Variants in KCNJ6 observed in about 807,000 individuals in gnomAD.
KCNJ6 encodes the protein G protein-activated inward rectifier potassium channel 2.
In KCNJ6, 9 loss-of-function variants were observed where a neutral mutation model predicts 34.2. The ratio of observed to expected loss-of-function variants is 0.26; its 90% CI spans 0.16 to 0.46. The LOEUF (loss-of-function observed/expected upper bound fraction) is 0.46, where lower values mean the gene tolerates loss of function less well. Among genes scored for constraint, KCNJ6 ranks in the 20% least tolerant of loss-of-function variants. KCNJ6 has a pLI of 1.00. For synonymous variants in KCNJ6, 196 were observed against 207.1 expected, an observed-to-expected ratio of 0.95 and a Z score of 0.46; for missense variants, 236 against 531.3, an observed-to-expected ratio of 0.44 and a Z score of 5.46.
rs375958691 is a variant in KCNJ6, at chr21:37,740,082, C to T, written c.26-24951G>A. ...CACTGGGACTATTTTAAAACGTGTGCCCAAGGAAGTGCAAATGCTGTGCCC... is the reference window on the plus strand; with the variant it reads ...CACTGGGACTATTTTAAAACGTGTGTCCAAGGAAGTGCAAATGCTGTGCCC... On this transcript the variant is annotated intron_variant, in intron 2 of 3. Transcript: ENST00000609713. Among the ~76,000 whole-genome samples the T allele has an allele frequency of 1.4e-4, 22 of 152,218 alleles. No individual in the cohort carries two copies. The East Asian group carries it at 4.3e-3, about 29-fold the overall frequency.
Position 37,617,205 on chromosome 21 carries a change from CT to C in KCNJ6, c.*7953del, listed in dbSNP as rs1271718580. ...CCTTCCTTCCTTCCTTCCTTCCTTC[CT>C]TCCTTCCTTCCTTCTTTTCTTTCTT... On this transcript the variant is annotated 3_prime_UTR_variant, in exon 4 of 4. Coordinates refer to ENST00000609713, the MANE Select transcript of KCNJ6 (RefSeq NM_002240.5). 2 of 128,256 alleles carry C rather than the reference CT, an allele frequency of 1.6e-5. No individual in the cohort carries two copies. Among genetic ancestry groups the C allele is most frequent in the African/African-American group, 6.0e-5 (2 of 33,066 alleles). 7.9% of individuals were successfully genotyped at this position (128,256 alleles called of 1,614,324 possible).
intron 2 of KCNJ6, among the ~76,000 whole-genome samples, chr21:37,758,632 G>A (rs981990693): frequency 2.6e-5 from 4 of 151,414 alleles, no homozygotes; most frequent in South Asian, 2.1e-4. Context: ...AGACATAGGA[G>A]TAAGCAATAG....
At chr21:37,665,081 C>T (rs954607146) in intron 3 of KCNJ6, among the ~76,000 whole-genome samples, 2 of 152,130 alleles carry the variant, frequency 1.3e-5, no homozygotes, top group Non-Finnish European at 2.9e-5. Flanking sequence ...CAGACATGAG[C>T]CACCACGCCT....
intron 2 of KCNJ6, among the ~76,000 whole-genome samples, chr21:37,818,713 C>G (rs979071252): frequency 3.3e-5 from 5 of 152,216 alleles, no homozygotes; most frequent in Admixed American, 2.6e-4. Flanking sequence ...ACTGAGAAAA[C>G]AGAAGTGACT....
intron 3 of KCNJ6, among the ~76,000 whole-genome samples, chr21:37,649,005 G>A (rs1027224606): frequency 7.5e-6 from 1 of 132,550 alleles, no homozygotes; most frequent in African/African-American, 2.9e-5. Context: ...GGTGGCGGGT[G>A]CCTGTAATCC....
intron 1 of KCNJ6, among the ~76,000 whole-genome samples, chr21:37,887,517 G>A (rs568408594): frequency 6.6e-6 from 1 of 152,292 alleles, no homozygotes; most frequent in East Asian, 1.9e-4. Context: ...ATTTTGGTGG[G>A]AGATAAAAGC....
intron 2 of KCNJ6, among the ~76,000 whole-genome samples, chr21:37,835,890 A>G (rs891918114): frequency 6.6e-6 from 1 of 152,226 alleles, no homozygotes; most frequent in African/African-American, 2.4e-5. Flanking sequence ...CTGGTAGTCT[A>G]AGTATGAAAA....
intron 2 of KCNJ6, among the ~76,000 whole-genome samples, chr21:37,737,643 G>A (rs1283868490): frequency 6.6e-6 from 1 of 152,126 alleles, no homozygotes; most frequent in African/African-American, 2.4e-5. Context: ...GTCTATTTAG[G>A]GTGAGGCCTG....
chr21:37,640,638 C>G (rs1470068745), intron 3 of KCNJ6, among the ~76,000 whole-genome samples: 1 of 152,224 alleles, frequency 6.6e-6, no homozygotes, highest in Non-Finnish European at 1.5e-5. Flanking sequence ...TCTGGTGATG[C>G]CATGTCTTGG....
At chr21:37,886,516 A>G (rs1341949696) in intron 1 of KCNJ6, among the ~76,000 whole-genome samples, 2 of 152,210 alleles carry the variant, frequency 1.3e-5, no homozygotes, top group African/African-American at 4.8e-5. Context: ...ACCTGTCCCA[A>G]TTTCAAATCA....
chr21:37,775,432 A>C (rs1320856568), intron 2 of KCNJ6, among the ~76,000 whole-genome samples: 1 of 152,210 alleles, frequency 6.6e-6, no homozygotes, highest in Non-Finnish European at 1.5e-5. Flanking sequence ...GCCCATGCCT[A>C]TGTCCTGAAT....
At chr21:37,650,433 T>C (rs2054427829) in intron 3 of KCNJ6, among the ~76,000 whole-genome samples, 1 of 152,190 alleles carries the variant, frequency 6.6e-6, no homozygotes, top group African/African-American at 2.4e-5. Context: ...GCACATATGG[T>C]AGGTACCAGG....
intron 2 of KCNJ6, among the ~76,000 whole-genome samples, chr21:37,752,433 A>G (rs1190070339): frequency 6.6e-6 from 1 of 152,168 alleles, no homozygotes; most frequent in Non-Finnish European, 1.5e-5. Flanking sequence ...CTTCTCTCCC[A>G]GGAAGTCTGA....
At chr21:37,809,506 C>G (rs1484385059) in intron 2 of KCNJ6, among the ~76,000 whole-genome samples, 1 of 151,434 alleles carries the variant, frequency 6.6e-6, no homozygotes, top group Non-Finnish European at 1.5e-5. Context: ...GCACATGTAC[C>G]CTAAAACTTA....
At chr21:37,794,094 T>C (rs1332817701) in intron 2 of KCNJ6, among the ~76,000 whole-genome samples, 1 of 152,252 alleles carries the variant, frequency 6.6e-6, no homozygotes, top group African/African-American at 2.4e-5. Flanking sequence ...TGTATGTGTA[T>C]GGACCCAAAC....
intron 2 of KCNJ6, chr21:37,717,037 C>T (rs1026575051): frequency 5.2e-5 from 8 of 154,324 alleles, no homozygotes; most frequent in African/African-American, 1.9e-4. Flanking sequence ...TTGAGTGCCC[C>T]CAACCTAACT....
At chr21:37,914,703 C>A (rs1457147228) in intron 1 of KCNJ6, among the ~76,000 whole-genome samples, 4 of 152,214 alleles carry the variant, frequency 2.6e-5, no homozygotes, top group Non-Finnish European at 5.9e-5. Context: ...CTGTAGCAAG[C>A]CCTTTTTTCT....
chr21:37,882,786 C>T (rs1210250059), intron 1 of KCNJ6, among the ~76,000 whole-genome samples: 1 of 152,230 alleles, frequency 6.6e-6, no homozygotes, highest in Non-Finnish European at 1.5e-5. Context: ...AAAACAGTCT[C>T]TGCCTTACAG....
At chr21:37,667,837 C>A (rs1428335104) in intron 3 of KCNJ6, among the ~76,000 whole-genome samples, 1 of 152,104 alleles carries the variant, frequency 6.6e-6, no homozygotes, top group Admixed American at 6.5e-5. Context: ...TGACTGAGAA[C>A]CACTGTCCTA....
Sources: allele counts gnomAD v4.1 joint callset (sites outside exome capture counted in the v4.1 genomes callset), GRCh38; gene constraint gnomAD v4.1.1; transcripts MANE v1.5; gene names NCBI Gene and HGNC (gene_info 2026-07-23, HGNC 2026-07-21).